MUC5AC: variants seen among roughly 807,000 people sequenced by gnomAD.
The protein encoded by MUC5AC is mucin 5AC, oligomeric mucus/gel-forming.
MUC5AC carries 158 observed loss-of-function variants against 169.7 expected under a neutral mutation model. The ratio of observed to expected loss-of-function variants is 0.93; its 90% CI spans 0.82 to 1.06. The LOEUF (loss-of-function observed/expected upper bound fraction) is 1.06. Ranked by LOEUF, MUC5AC falls within the 50% of genes least tolerant of loss-of-function variation. The pLI is 0.00. For missense variants in MUC5AC, 4,359 were observed against 3,089.9 expected, an observed-to-expected ratio of 1.41 and a Z score of -9.74; for synonymous variants, 1,975 against 1,237.0, an observed-to-expected ratio of 1.60 and a Z score of -12.52.
In MUC5AC at chr11:1,186,174, A is replaced by C; in HGVS notation, c.8029A>C (p.Thr2677Pro). 2.7e-6 allele frequency: 2 copies of C among 747,482 alleles called. No individual in the cohort carries two copies. The highest frequency in any genetic ancestry group is 2.8e-5 in the South Asian group (2 of 72,364). The allele number at this position is 747,482 out of a possible 1,614,324, so 46.3% of individuals were successfully genotyped here. ...AATCTCTGTTCCTACCACCAGCACA[A>C]CTTCTGCTTCTACAACCAGCACAAC... ...STISVPTTST[T>P]SASTTSTTSA... The change falls in exon 31 of 49, where the codon ACT becomes CCT. Residue 2677 changes from threonine to proline, a missense_variant. Coordinates refer to ENST00000621226, the MANE Select transcript of MUC5AC (RefSeq NM_001304359.2).
At chr11:1,171,272 ACCCAC>A (rs1860516563) in intron 15 of MUC5AC, among the ~76,000 whole-genome samples, 7 of 143,302 alleles carry the variant, frequency 4.9e-5, no homozygotes, top group Admixed American at 1.4e-4. Flanking sequence ...CCACTCACTC[ACCCAC>A]TCACTCACCC....
At chr11:1,164,572 G>A (rs764715927) in intron 9 of MUC5AC, 40 bp downstream of exon 9, 27 of 1,573,974 alleles carry the variant, frequency 1.7e-5, no homozygotes, top group South Asian at 5.9e-5. Context: ...GGTGCACCCC[G>A]ACAACTAGGG....
chr11:1,193,694 G>A (rs772733216), intron 33 of MUC5AC, 35 bp downstream of exon 33: 12 of 754,678 alleles, frequency 1.6e-5, no homozygotes, highest in South Asian at 4.0e-5. Flanking sequence ...CAGGGCAGCC[G>A]GGGCAGCCAC....
In MUC5AC at chr11:1,186,627, A is replaced by G; in HGVS notation, c.8482A>G (p.Thr2828Ala). 2.7e-6 allele frequency: 2 copies of G among 728,280 alleles called. No homozygotes were observed. Among genetic ancestry groups the G allele is most frequent in the Admixed American group, 1.9e-5 (1 of 53,122 alleles). 45.1% of individuals were successfully genotyped at this position (728,280 alleles called of 1,614,324 possible). The stretch of plus-strand genomic sequence containing the variant: ...CACAACTTCGGCTCCTACAACCAGC[A>G]CAACTTCTGGTCCTGGAACTACTTC... The part of the protein sequence containing the change: ...TSTTSAPTTS[T>A]TSGPGTTSSP... Residue 2828 changes from threonine to alanine, a missense_variant, in exon 31 of 49, where the codon ACA becomes GCA. Thr to Ala is a moderately conservative substitution (Grantham distance 58). Transcript: ENST00000621226.
chr11:1,167,997 G>A lies in MUC5AC; in HGVS notation c.1497+10G>A. The A allele has an allele frequency of 6.5e-7, 1 of 1,548,024 alleles. No homozygotes were observed. The stretch of plus-strand genomic sequence containing the variant: ...GGATGGGGCGCAGACGGTGAGTGGA[G>A]CCTGGCAGGGCAAACCCCGGGAAGA... On this transcript the variant is annotated intron_variant, in intron 12 of 48. Coordinates refer to ENST00000621226, the MANE Select transcript of MUC5AC (RefSeq NM_001304359.2).
At chr11:1,173,293 C>CCACTCACTCACCCACT (rs1860593450) in intron 16 of MUC5AC, among the ~76,000 whole-genome samples, 2 of 145,688 alleles carry the variant, frequency 1.4e-5, no homozygotes, top group Non-Finnish European at 3.0e-5. Flanking sequence ...ACTCACTCAT[C>CCACTCACTCACCCACT]CACTCACTCA....
intron 11 of MUC5AC, 115 bp from the exon 12 acceptor site, chr11:1,167,762 T>C: frequency 1.2e-6 from 1 of 834,452 alleles, no homozygotes; most frequent in South Asian, 1.6e-5. Context: ...GGGACTGGGA[T>C]GGTGGAGTGG....
In MUC5AC at chr11:1,182,714, G is replaced by A. The variant is rs1160340425; in HGVS notation, c.4569G>A (p.Thr1523=). ...PGTVSLSTAR[T]TPAPGTATSV... ...CCGTGTCTCTCTCTACAGCCAGGAC[G>A]ACACCTGCCCCAGGTACCGCTACCT... is the stretch of plus-strand genomic sequence containing the variant. The change falls in exon 31 of 49, where the codon ACG becomes ACA. Residue 1523 remains threonine, a synonymous_variant. Transcript: ENST00000621226. 53 of 398,426 alleles carry A rather than the reference G, an allele frequency of 1.3e-4. No homozygotes were observed. Among genetic ancestry groups the A allele is most frequent in the Non-Finnish European group, 2.0e-4 (45 of 226,090 alleles). 24.7% of individuals were successfully genotyped at this position (398,426 alleles called of 1,614,324 possible).
At chr11:1,173,657 C>T (rs1034877384) in intron 16 of MUC5AC, among the ~76,000 whole-genome samples, 4 of 151,812 alleles carry the variant, frequency 2.6e-5, no homozygotes, top group South Asian at 2.1e-4. Context: ...CTGATTCCCT[C>T]ATTCATTCCT....
At chr11:1,171,932 CATCCACTCATTCACT>C (rs1860559158) in intron 15 of MUC5AC, among the ~76,000 whole-genome samples, 13 of 82,576 alleles carry the variant, frequency 1.6e-4, no homozygotes, top group African/African-American at 2.3e-4. Flanking sequence ...CTCACTCACT[CATCCACTCATTCACT>C]CACTCACTCA....
Position 1,187,897 on chromosome 11 carries a change from A to G in MUC5AC, c.9752A>G (p.Asn3251Ser), listed in dbSNP as rs1221541578. ...GGCGGGGACAAGGAAACCTACAACA[A>G]CATCATCAGGAGTGGGGAAAAAATC... Reference protein sequence around the residue: ...PHGGDKETYNNIIRSGEKICR... With the variant: ...PHGGDKETYNSIIRSGEKICR... The change falls in exon 31 of 49, where the codon AAC becomes AGC. Residue 3251 changes from asparagine to serine, a missense_variant. Physicochemically the swap from Asn to Ser is conservative, Grantham distance 46. Coordinates refer to ENST00000621226, the MANE Select transcript of MUC5AC (RefSeq NM_001304359.2). The G allele has an allele frequency of 1.2e-4, 91 of 760,070 alleles. 1 individual carries two copies. In the Admixed American group the frequency reaches 1.3e-3, roughly 11 times the overall value. The allele number at this position is 760,070 out of a possible 1,614,324, so 47.1% of individuals were successfully genotyped here. A position where few individuals can be genotyped will look rare whatever the true frequency, so the allele number is the denominator to read the frequency against.
At chr11:1,197,015 G>C in intron 40 of MUC5AC, 107 bp downstream of exon 40, 1 of 678,048 alleles carries the variant, frequency 1.5e-6, no homozygotes. Flanking sequence ...CAGGGGTCGG[G>C]GTGTCCTCTC....
intron 48 of MUC5AC, 114 bp from the exon 49 acceptor site, chr11:1,200,324 A>T: frequency 3.3e-6 from 2 of 602,690 alleles, no homozygotes; most frequent in Non-Finnish European, 5.9e-6. Context: ...CACTGGCAGC[A>T]TGCCTCCAGG....
chr11:1,175,278 C>A lies in MUC5AC; in HGVS notation c.2401+8C>A, dbSNP rs985117672. 14 of 398,530 alleles carry A rather than the reference C, an allele frequency of 3.5e-5. No homozygotes were observed. Among genetic ancestry groups the A allele is most frequent in the Middle Eastern group, 6.2e-4 (1 of 1,610 alleles). The allele number at this position is 398,530 out of a possible 1,614,324, so 24.7% of individuals were successfully genotyped here. The stretch of plus-strand genomic sequence containing the variant: ...GCCAAGCCCCCGCCCCAGGTGAGTG[C>A]CAGAAAGGAGGCACTGTGGCCCCCA... On this transcript the variant is annotated splice_region_variant and intron_variant, in intron 19 of 48. Transcript: ENST00000621226.
Position 1,190,012 on chromosome 11 carries a change from G to A in MUC5AC, c.11867G>A (p.Arg3956Gln), listed in dbSNP as rs1428522876. 43 of 764,988 alleles carry A rather than the reference G, an allele frequency of 5.6e-5. No individual in the cohort carries two copies. Among genetic ancestry groups the A allele is most frequent in the East Asian group, 1.2e-4 (5 of 41,268 alleles). The allele number at this position is 764,988 out of a possible 1,614,324, so 47.4% of individuals were successfully genotyped here. A position where few individuals can be genotyped will look rare whatever the true frequency, so the allele number is the denominator to read the frequency against. ...SQPVTRDCHP[R>Q]CTWTKWFDVD... ...CCAGTCACCAGAGACTGTCATCCCC[G>A]GTGCACCTGGACCAAGTGGTTTGAC... is the stretch of plus-strand genomic sequence containing the variant. The change falls in exon 31 of 49, where the codon CGG (arginine) becomes CAG (glutamine). Residue 3956 changes from arginine to glutamine, a missense_variant. Transcript: ENST00000621226.
chr11:1,163,089 G>C, intron 6 of MUC5AC, 44 bp downstream of exon 6: 1 of 1,566,628 alleles, frequency 6.4e-7, no homozygotes, highest in African/African-American at 1.4e-5. Context: ...AGTGTCCCCT[G>C]GGGGCTCAGT....
At chr11:1,198,807 G>A (rs1421091997) in intron 43 of MUC5AC, 67 bp from the exon 44 acceptor site, 6 of 679,964 alleles carry the variant, frequency 8.8e-6, no homozygotes, top group African/African-American at 3.5e-5. Context: ...GCAAGCCAGT[G>A]GGGAGGCAGG....
Position 1,178,616 on chromosome 11 carries a change from G to A in MUC5AC, c.3260G>A (p.Arg1087His), listed in dbSNP as rs1035969670. The A allele has an allele frequency of 1.1e-4, 157 of 1,406,362 alleles. No homozygotes were observed. Among genetic ancestry groups the A allele is most frequent in the Non-Finnish European group, 1.3e-4 (143 of 1,069,742 alleles). 87.1% of individuals were successfully genotyped at this position (1,406,362 alleles called of 1,614,324 possible). The stretch of plus-strand genomic sequence containing the variant: ...GACCCCTGCACGGCCAACCCCTTCC[G>A]CAAGTCCTGGGCCCAGAAGCAGTGC... ...PKDPCTANPF[R>H]KSWAQKQCSI... is the part of the protein sequence containing the mutation. Residue 1087 changes from arginine to histidine, a missense_variant, in exon 25 of 49, where the codon CGC becomes CAC. Coordinates refer to ENST00000621226, the MANE Select transcript of MUC5AC (RefSeq NM_001304359.2).
Position 1,187,135 on chromosome 11 carries a change from C to A in MUC5AC, c.8990C>A (p.Thr2997Asn). The change falls in exon 31 of 49, where the codon ACC becomes AAC. Residue 2997 changes from threonine (T) to asparagine (N), a missense_variant. Transcript: ENST00000621226. ...ACCTCTGCTCCCACAACAAGCACAACCTCTGCCCCTACAACCAGCACAATC... is the reference window on the plus strand; with the variant it reads ...ACCTCTGCTCCCACAACAAGCACAAACTCTGCCCCTACAACCAGCACAATC... The part of the protein sequence containing the change: ...STTSAPTTST[T>N]SAPTTSTISA... 2.8e-6 allele frequency: 2 copies of A among 714,176 alleles called. No homozygotes were observed. Among genetic ancestry groups the A allele is most frequent in the South Asian group, 2.9e-5 (2 of 68,690 alleles). 44.2% of individuals were successfully genotyped at this position (714,176 alleles called of 1,614,324 possible).
Sources: allele counts gnomAD v4.1 joint callset (sites outside exome capture counted in the v4.1 genomes callset), GRCh38; gene constraint gnomAD v4.1.1; transcripts MANE v1.5; gene names NCBI Gene and HGNC (gene_info 2026-07-23, HGNC 2026-07-21).